The following THRB variants were observed in gnomAD, a reference collection of about 807,000 sequenced individuals.
The protein encoded by THRB is nuclear receptor subfamily 1 group A member 2.
THRB carries 12 observed loss-of-function variants against 47.8 expected under a neutral mutation model. That is an observed-to-expected ratio of 0.25 (90% confidence interval 0.16 to 0.41). The LOEUF (loss-of-function observed/expected upper bound fraction) is 0.41, where lower values mean the gene tolerates loss of function less well. Ranked by LOEUF, THRB falls within the 10% of genes least tolerant of loss-of-function variation. The pLI, the probability that THRB is intolerant of heterozygous loss-of-function variation, is 1.00. For missense variants in THRB, 348 were observed against 589.2 expected (o/e 0.59, Z 4.24); for synonymous variants, 218 against 212.2 (o/e 1.03, Z -0.24).
chr3:24,304,126 G>A (rs1160566949), intron 2 of THRB, among the ~76,000 whole-genome samples: 1 of 151,900 alleles, frequency 6.6e-6, no homozygotes, highest in Non-Finnish European at 1.5e-5. Context: ...TGAAACTTTT[G>A]GAAGTGATCA....
chr3:24,317,809 C>A (rs1047095671), intron 2 of THRB, among the ~76,000 whole-genome samples: 2 of 152,170 alleles, frequency 1.3e-5, no homozygotes, highest in Admixed American at 1.3e-4. Context: ...GTAATCCCAG[C>A]ATTTTGAGAG....
Position 24,432,580 on chromosome 3 carries a change from C to T in THRB, c.-261+62072G>A, listed in dbSNP as rs2070545813. On this transcript the variant is annotated intron_variant, in intron 1 of 10. Transcript: ENST00000646209. ...AGCTTCCAGGGAAAGTTAATGTAGA[C>T]ACTGGGGTGTTGAAAATCCACTTCA... is the stretch of plus-strand genomic sequence containing the variant. Among the ~76,000 whole-genome samples, 2 of 152,192 alleles carry T rather than the reference C, an allele frequency of 1.3e-5. 1 individual carries two copies. The highest frequency in any genetic ancestry group is 4.1e-4 in the South Asian group (2 of 4,824).
At chr3:24,353,409 G>A (rs1371736654) in intron 1 of THRB, among the ~76,000 whole-genome samples, 1 of 152,098 alleles carries the variant, frequency 6.6e-6, no homozygotes. Flanking sequence ...ATAGACATTT[G>A]ACAAGGAAAT....
chr3:24,234,598 G>C (rs2048678283), intron 3 of THRB, among the ~76,000 whole-genome samples: 1 of 152,146 alleles, frequency 6.6e-6, no homozygotes, highest in South Asian at 2.1e-4. Flanking sequence ...CATTCAAGAT[G>C]AATTACTCAT....
chr3:24,397,449 C>T (rs2067047423), intron 1 of THRB, among the ~76,000 whole-genome samples: 2 of 152,018 alleles, frequency 1.3e-5, no homozygotes, highest in Non-Finnish European at 2.9e-5. Context: ...ACGTTTTTTC[C>T]GTCTTTTGCT....
intron 1 of THRB, among the ~76,000 whole-genome samples, chr3:24,488,359 A>G (rs1316187235): frequency 6.6e-6 from 1 of 152,192 alleles, no homozygotes; most frequent in African/African-American, 2.4e-5. Context: ...CACTCTTAGA[A>G]CACAGAGACA....
chr3:24,445,667 G>C (rs2071998708), intron 1 of THRB, among the ~76,000 whole-genome samples: 1 of 152,096 alleles, frequency 6.6e-6, no homozygotes, highest in Non-Finnish European at 1.5e-5. Context: ...TCACGACACA[G>C]AGAGTAGGTG....
intron 5 of THRB, among the ~76,000 whole-genome samples, chr3:24,180,572 G>A (rs2041766981): frequency 6.6e-6 from 1 of 152,176 alleles, no homozygotes; most frequent in Non-Finnish European, 1.5e-5. Context: ...TCTGGACCTT[G>A]GAGAATTTCT....
intron 4 of THRB, among the ~76,000 whole-genome samples, chr3:24,228,211 G>A (rs1195915316): frequency 1.3e-5 from 2 of 152,016 alleles, no homozygotes; most frequent in East Asian, 3.8e-4. Flanking sequence ...CCTATTCCCT[G>A]GCACCACTGA....
At chr3:24,269,480 A>G (rs926151789) in intron 3 of THRB, among the ~76,000 whole-genome samples, 2 of 151,970 alleles carry the variant, frequency 1.3e-5, no homozygotes, top group Non-Finnish European at 2.9e-5. Flanking sequence ...GCTGGAGTGC[A>G]ATGACACCCA....
At chr3:24,225,543 T>C (rs1368778379) in intron 4 of THRB, among the ~76,000 whole-genome samples, 1 of 152,156 alleles carries the variant, frequency 6.6e-6, no homozygotes, top group African/African-American at 2.4e-5. Flanking sequence ...TACAGCCAGG[T>C]TCAGCGCAAA....
intron 5 of THRB, among the ~76,000 whole-genome samples, chr3:24,162,641 T>A (rs1246691612): frequency 6.7e-6 from 1 of 149,200 alleles, no homozygotes; most frequent in Non-Finnish European, 1.5e-5. Flanking sequence ...GTTCGTGTTC[T>A]TAATGCTTCC....
chr3:24,301,355 C>A (rs563615209), intron 2 of THRB, among the ~76,000 whole-genome samples: 64 of 152,290 alleles, frequency 4.2e-4, no homozygotes, highest in African/African-American at 1.5e-3. Context: ...AGCGTATTTT[C>A]ATGTGGTTTT....
At chr3:24,209,830 A>T (rs1017298441) in intron 4 of THRB, among the ~76,000 whole-genome samples, 1 of 152,258 alleles carries the variant, frequency 6.6e-6, no homozygotes, top group Non-Finnish European at 1.5e-5. Context: ...TTAAAAAAAA[A>T]TGACATAATT....
intron 4 of THRB, among the ~76,000 whole-genome samples, chr3:24,201,258 G>A (rs191542801): frequency 6.6e-6 from 1 of 152,128 alleles, no homozygotes; most frequent in African/African-American, 2.4e-5. Context: ...GGGCTGGAGA[G>A]GGGGTCTGGC....
intron 1 of THRB, among the ~76,000 whole-genome samples, chr3:24,371,671 G>A (rs1384664592): frequency 6.6e-6 from 1 of 152,088 alleles, no homozygotes; most frequent in South Asian, 2.1e-4. Context: ...CTCCTCATGT[G>A]TGTTGTCATA....
At chr3:24,355,033 A>T (rs59867090) in intron 1 of THRB, among the ~76,000 whole-genome samples, 3,481 of 152,234 alleles carry the variant, frequency 0.023, 163 homozygotes, top group African/African-American at 0.08. Context: ...CATAACATAT[A>T]TTAATTACAA....
chr3:24,474,739 T>C (rs534586737), intron 1 of THRB, among the ~76,000 whole-genome samples: 9 of 152,192 alleles, frequency 5.9e-5, no homozygotes, highest in Non-Finnish European at 8.8e-5. Flanking sequence ...CTGCAGACCA[T>C]ATGTGCTATA....
intron 1 of THRB, among the ~76,000 whole-genome samples, chr3:24,413,370 C>T (rs1427238993): frequency 6.6e-6 from 1 of 151,580 alleles, no homozygotes; most frequent in African/African-American, 2.4e-5. Flanking sequence ...CATTCTAATC[C>T]TCTTCAAAGA....
Sources: allele counts gnomAD v4.1 joint callset (sites outside exome capture counted in the v4.1 genomes callset), GRCh38; gene constraint gnomAD v4.1.1; transcripts MANE v1.5; gene names NCBI Gene and HGNC (gene_info 2026-07-23, HGNC 2026-07-21).